Variants in TGFBRAP1 observed in about 807,000 individuals in gnomAD.
TGFBRAP1 encodes the protein transforming growth factor-beta receptor-associated protein 1.
TGFBRAP1 carries 20 observed loss-of-function variants against 83.2 expected under a neutral mutation model. That is an observed-to-expected ratio of 0.24 (90% CI 0.17 to 0.35). The LOEUF (loss-of-function observed/expected upper bound fraction) is 0.35, where lower values mean the gene tolerates loss of function less well. TGFBRAP1 is among the 10% of genes least tolerant of loss of function. The pLI, the probability that TGFBRAP1 is intolerant of heterozygous loss-of-function variation, is 1.00. For missense variants in TGFBRAP1, 950 were observed against 1,099.4 expected (o/e 0.86, Z 1.92); for synonymous variants, 415 against 459.8 (o/e 0.90, Z 1.25).
Position 105,269,232 on chromosome 2 carries a change from T to A in TGFBRAP1, c.2406+40A>T. 1 of 1,535,750 alleles carries A rather than the reference T, an allele frequency of 6.5e-7. No homozygotes were observed. The highest frequency in any genetic ancestry group is 8.8e-7 in the Non-Finnish European group (1 of 1,137,324). ...AGTAAAATCTACCTTCAGTACAATG[T>A]TGACTGACCAGGAAGCAGCTCGTGG... On this transcript the variant is annotated intron_variant, in intron 11 of 11. Coordinates refer to ENST00000393359, the MANE Select transcript of TGFBRAP1 (RefSeq NM_004257.6). This position sits in a 1 kb window ranked among gnomAD's most constrained non-coding sequence, Gnocchi z 4.1.
At chr2:105,310,340 G>A (rs755667336) in intron 1 of TGFBRAP1, among the ~76,000 whole-genome samples, 5 of 152,034 alleles carry the variant, frequency 3.3e-5, no homozygotes, top group Non-Finnish European at 5.9e-5. Context: ...TTCCCAAGCT[G>A]GGCACCAAGA....
chr2:105,323,635 C>G (rs1356503064), intron 1 of TGFBRAP1, among the ~76,000 whole-genome samples: 1 of 152,120 alleles, frequency 6.6e-6, no homozygotes, highest in African/African-American at 2.4e-5. Context: ...ACCTTGCCAG[C>G]AATATTCTCC....
At chr2:105,304,187 C>T (rs987588217) in intron 2 of TGFBRAP1, among the ~76,000 whole-genome samples, 1 of 152,074 alleles carries the variant, frequency 6.6e-6, no homozygotes, top group Non-Finnish European at 1.5e-5. Flanking sequence ...GTATCTGTAA[C>T]TTAGAAATAT....
chr2:105,299,882 T>C (rs1240691347), intron 2 of TGFBRAP1, among the ~76,000 whole-genome samples: 1 of 152,048 alleles, frequency 6.6e-6, no homozygotes, highest in Non-Finnish European at 1.5e-5. Context: ...GAAGCCCCAC[T>C]TGGGAACAGA....
At chr2:105,249,592 G>A in the TGFBRAP1 span, 1 of 152,164 alleles carries the variant, frequency 6.6e-6, no homozygotes, top group South Asian at 2.1e-4. Flanking sequence ...CACAAATGGT[G>A]GAAGACATAA....
intron 8 of TGFBRAP1, among the ~76,000 whole-genome samples, chr2:105,275,271 G>A (rs1677298777): frequency 6.6e-6 from 1 of 152,212 alleles, no homozygotes; most frequent in African/African-American, 2.4e-5. Flanking sequence ...AAGTTCTTAA[G>A]AAGATGCTAA....
intron 4 of TGFBRAP1, among the ~76,000 whole-genome samples, chr2:105,290,825 T>G (rs1258291126): frequency 1.3e-5 from 2 of 152,018 alleles, no homozygotes; most frequent in Non-Finnish European, 2.9e-5. Flanking sequence ...GCCAACATGG[T>G]GAAACCTCAT....
chr2:105,302,857 G>A (rs1678347655), intron 2 of TGFBRAP1, among the ~76,000 whole-genome samples: 6 of 152,284 alleles, frequency 3.9e-5, no homozygotes, highest in Admixed American at 3.3e-4. Context: ...CCACACAGAG[G>A]AGAACTACTC....
chr2:105,260,409 C>T (rs754098767), downstream of TGFBRAP1, among the ~76,000 whole-genome samples: 1 of 152,008 alleles, frequency 6.6e-6, no homozygotes, highest in African/African-American at 2.4e-5. Context: ...ATTCTGTCTC[C>T]ATAAAAAAGG....
chr2:105,253,440 TTTTTTTTA>T, the TGFBRAP1 span, among the ~76,000 whole-genome samples: 3 of 151,670 alleles, frequency 2.0e-5, no homozygotes, highest in African/African-American at 7.3e-5. Context: ...GCCTTGTTTG[TTTTTTTTA>T]AAGAACAGGG....
intron 4 of TGFBRAP1, among the ~76,000 whole-genome samples, chr2:105,292,141 C>CAA (rs1232624481): frequency 6.6e-6 from 1 of 152,170 alleles, no homozygotes; most frequent in Non-Finnish European, 1.5e-5. Context: ...TTTAGAAAAC[C>CAA]AAAATGACTG....
At chr2:105,327,707 C>A (rs1375482262) in intron 1 of TGFBRAP1, among the ~76,000 whole-genome samples, 1 of 152,222 alleles carries the variant, frequency 6.6e-6, no homozygotes, top group African/African-American at 2.4e-5. Context: ...AAATCCCTGT[C>A]TCTGGAGGGT....
chr2:105,302,009 T>TAAAAAAAAAAAAAAA (rs35548542), intron 2 of TGFBRAP1, among the ~76,000 whole-genome samples: 1 of 75,088 alleles, frequency 1.3e-5, no homozygotes, highest in Non-Finnish European at 2.6e-5. Context: ...TAAAGAATAC[T>TAAAAAAAAAAAAAAA]AAAAAAAAAA....
chr2:105,319,987 A>T (rs2104416388), intron 1 of TGFBRAP1, among the ~76,000 whole-genome samples: 1 of 152,194 alleles, frequency 6.6e-6, no homozygotes, highest in South Asian at 2.1e-4. Flanking sequence ...TGGTACAGAG[A>T]TAAATATATT....
intron 1 of TGFBRAP1, among the ~76,000 whole-genome samples, chr2:105,312,512 A>G (rs1203958214): frequency 6.6e-6 from 1 of 152,230 alleles, no homozygotes; most frequent in Non-Finnish European, 1.5e-5. Flanking sequence ...GCAAAAAACT[A>G]AACAATTACA....
At chr2:105,302,938 T>A (rs1170960393) in intron 2 of TGFBRAP1, among the ~76,000 whole-genome samples, 1 of 152,186 alleles carries the variant, frequency 6.6e-6, no homozygotes, top group African/African-American at 2.4e-5. Flanking sequence ...CCACAAACCA[T>A]CAGAGTTTCC....
At chr2:105,271,463 C>A (rs977259950) in intron 10 of TGFBRAP1, among the ~76,000 whole-genome samples, 6 of 152,162 alleles carry the variant, frequency 3.9e-5, no homozygotes, top group Non-Finnish European at 8.8e-5. Flanking sequence ...CACAGCGGAT[C>A]GCCACAGAAA....
At chr2:105,278,229 G>A (rs143321498) in intron 6 of TGFBRAP1, among the ~76,000 whole-genome samples, 3 of 152,236 alleles carry the variant, frequency 2.0e-5, no homozygotes, top group East Asian at 1.9e-4. Context: ...AATCTAAGAT[G>A]AGCTGAAAAA....
chr2:105,288,735 C>T (rs1677798348), intron 4 of TGFBRAP1, among the ~76,000 whole-genome samples: 1 of 151,980 alleles, frequency 6.6e-6, no homozygotes, highest in South Asian at 2.1e-4. Flanking sequence ...AACATCTTTC[C>T]CGAAATATAT....
Sources: allele counts gnomAD v4.1 joint callset (sites outside exome capture counted in the v4.1 genomes callset), GRCh38; gene constraint gnomAD v4.1.1; non-coding constraint Gnocchi (gnomAD v3.1); transcripts MANE v1.5; gene names NCBI Gene and HGNC (gene_info 2026-07-23, HGNC 2026-07-21).